Variants in DIXDC1 observed in about 807,000 individuals in gnomAD.
The protein encoded by DIXDC1 is dixin.
Under a neutral mutation model 103.1 loss-of-function variants are expected in DIXDC1, and 64 were observed. The observed-to-expected ratio is 0.62, with a 90% confidence interval of 0.51 to 0.76. DIXDC1 has a LOEUF of 0.76. DIXDC1 is among the 30% of genes least tolerant of loss of function. DIXDC1 has a pLI of 0.00. For synonymous variants in DIXDC1, 266 were observed against 298.5 expected (o/e 0.89, Z 1.12); for missense variants, 759 against 834.2 (o/e 0.91, Z 1.11).
chr11:111,949,828 G>A (rs782701608), intron 1 of DIXDC1, among the ~76,000 whole-genome samples: 12 of 152,032 alleles, frequency 7.9e-5, no homozygotes, highest in Non-Finnish European at 1.5e-4. Flanking sequence ...GCAGACATCC[G>A]TAAAGAACCA....
At chr11:111,995,977 G>T (rs971973298) in intron 16 of DIXDC1, 103 bp from the exon 17 acceptor site, 4 of 974,972 alleles carry the variant, frequency 4.1e-6, no homozygotes, top group Admixed American at 4.0e-5. Flanking sequence ...GGAAGAGATG[G>T]TAGAAAAGTA....
chr11:111,976,918 C>T lies in DIXDC1; in HGVS notation c.656+1935C>T, dbSNP rs1322942478. ...GAATTTTCCTGGGGAGCGTCAGAGT[C>T]TCCACCCCGAGGAGCGGCCAGAGCC... On this transcript the variant is annotated intron_variant, in intron 5 of 19. Coordinates refer to ENST00000440460, the MANE Select transcript of DIXDC1 (RefSeq NM_001037954.4). The surrounding 1 kb of genome is among the most constrained non-coding windows in gnomAD (Gnocchi z 4.3). 6.5e-6 allele frequency: 1 copy of T among 152,692 alleles called. No homozygotes were observed. Among genetic ancestry groups the T allele is most frequent in the Non-Finnish European group, 1.5e-5 (1 of 68,170 alleles). The allele number at this position is 152,692 out of a possible 1,614,324, so 9.5% of individuals were successfully genotyped here. A position where few individuals can be genotyped will look rare whatever the true frequency, so the allele number is the denominator to read the frequency against.
chr11:111,992,774 G>T (rs1219658707), intron 11 of DIXDC1, among the ~76,000 whole-genome samples, 177 bp from the exon 12 acceptor site: 1 of 152,132 alleles, frequency 6.6e-6, no homozygotes, highest in Non-Finnish European at 1.5e-5. Context: ...CAAAATTGTG[G>T]TTCTACAGTC....
chr11:111,959,199 A>G (rs1435469077), intron 1 of DIXDC1, among the ~76,000 whole-genome samples: 2 of 152,204 alleles, frequency 1.3e-5, no homozygotes, highest in African/African-American at 4.8e-5. Flanking sequence ...CTTGCTCACC[A>G]TGTTGCAGGC....
chr11:111,969,152 G>T (rs1555171853), intron 3 of DIXDC1, among the ~76,000 whole-genome samples: 1 of 151,862 alleles, frequency 6.6e-6, no homozygotes, highest in Non-Finnish European at 1.5e-5. Context: ...AATTATGGTT[G>T]GGCATGGTGG....
intron 17 of DIXDC1, among the ~76,000 whole-genome samples, chr11:112,000,560 G>A (rs951922957): frequency 3.3e-5 from 5 of 152,058 alleles, no homozygotes. Context: ...AGCTGGGCGT[G>A]GTGGTACGCA....
At chr11:111,960,612 AAAG>A (rs1408762727) in intron 1 of DIXDC1, among the ~76,000 whole-genome samples, 4 of 151,910 alleles carry the variant, frequency 2.6e-5, no homozygotes, top group African/African-American at 7.2e-5. Context: ...AAAAAAAAGA[AAAG>A]AAAAAGAAAA....
chr11:111,984,983 TG>T (rs1860440827), intron 7 of DIXDC1, among the ~76,000 whole-genome samples: 1 of 152,196 alleles, frequency 6.6e-6, no homozygotes. Flanking sequence ...GATTTTCTTC[TG>T]GGGCCAAGGC....
At chr11:112,008,543 T>A (rs1489187906) in intron 17 of DIXDC1, among the ~76,000 whole-genome samples, 2 of 152,128 alleles carry the variant, frequency 1.3e-5, no homozygotes, top group Non-Finnish European at 2.9e-5. Flanking sequence ...CTAAAATTGA[T>A]CATACAGTTG....
chr11:112,000,468 G>C (rs1861031410), intron 17 of DIXDC1, among the ~76,000 whole-genome samples: 1 of 152,138 alleles, frequency 6.6e-6, no homozygotes, highest in African/African-American at 2.4e-5. Flanking sequence ...GGAGGCTGAG[G>C]TGGGCAGATC....
chr11:111,936,845 A>AGTGTGTGT (rs57332873), upstream of DIXDC1, among the ~76,000 whole-genome samples: 113 of 140,852 alleles, frequency 8.0e-4, no homozygotes, highest in Middle Eastern at 3.7e-3. Context: ...TTAAGTTAGC[A>AGTGTGTGT]GTGTGTGTGT....
chr11:111,997,734 C>T (rs1253684317), intron 17 of DIXDC1, among the ~76,000 whole-genome samples: 2 of 152,112 alleles, frequency 1.3e-5, no homozygotes, highest in Admixed American at 1.3e-4. Flanking sequence ...ATAAATTCCC[C>T]CCCAAAAAAT....
chr11:111,954,911 C>CACA lies in DIXDC1; in HGVS notation c.61-9637_61-9635dup. Among the ~76,000 whole-genome samples the CACA allele has an allele frequency of 2.0e-5, 3 of 151,956 alleles. No homozygotes were observed. The East Asian group carries it at 5.8e-4, about 29-fold the overall frequency. On this transcript the variant is annotated intron_variant, in intron 1 of 19. Coordinates refer to ENST00000440460, the MANE Select transcript of DIXDC1 (RefSeq NM_001037954.4). ...AATTATGTATGTAAATATATATATA[C>CACA]ACACACAACACACCCCCATATGTAT...
At chr11:111,932,035 T>TC (rs1243037662) in intron 2 of DIXDC1, among the ~76,000 whole-genome samples, 5 of 144,856 alleles carry the variant, frequency 3.5e-5, no homozygotes, top group Admixed American at 1.4e-4. Context: ...ACCTTTTTTT[T>TC]TTTTTTTTTT....
At position 111,956,737 on chromosome 11, in the gene DIXDC1, G is replaced by A. The variant is rs192193429; in HGVS notation, c.61-7812G>A. Among the ~76,000 whole-genome samples the A allele has an allele frequency of 3.2e-4, 49 of 152,270 alleles. 1 individual carries two copies. In the East Asian group the frequency reaches 9.4e-3, roughly 29 times the overall value. On this transcript the variant is annotated intron_variant, in intron 1 of 19. Transcript: ENST00000440460. ...ACTCCTGACCTCAAGTGATCCTCCT[G>A]CCTTGGCCTTCCAAAGTGCTGGGGT...
chr11:112,008,638 C>G (rs782140912), intron 17 of DIXDC1, among the ~76,000 whole-genome samples: 6 of 152,166 alleles, frequency 3.9e-5, no homozygotes, highest in Non-Finnish European at 8.8e-5. Context: ...AATTAGAACT[C>G]AGGATTAAGA....
intron 1 of DIXDC1, among the ~76,000 whole-genome samples, chr11:111,952,614 A>G (rs994484796): frequency 6.6e-6 from 1 of 152,100 alleles, no homozygotes. Flanking sequence ...TGAGGTGAGG[A>G]GTTCGAGACC....
intron 19 of DIXDC1, among the ~76,000 whole-genome samples, chr11:112,018,141 G>T (rs1555177993): frequency 6.6e-6 from 1 of 152,148 alleles, no homozygotes; most frequent in African/African-American, 2.4e-5. Flanking sequence ...AAATTATTTT[G>T]TTAGGGAAAA....
chr11:111,944,436 A>C (rs1445490514), intron 1 of DIXDC1, among the ~76,000 whole-genome samples: 1 of 152,198 alleles, frequency 6.6e-6, no homozygotes, highest in Non-Finnish European at 1.5e-5. Flanking sequence ...GAATTCTGTG[A>C]GCTTGAGTCT....
Sources: allele counts gnomAD v4.1 joint callset (sites outside exome capture counted in the v4.1 genomes callset), GRCh38; gene constraint gnomAD v4.1.1; non-coding constraint Gnocchi (gnomAD v3.1); transcripts MANE v1.5; gene names NCBI Gene and HGNC (gene_info 2026-07-23, HGNC 2026-07-21).